Variants in MYH11 observed in about 807,000 individuals in gnomAD.
MYH11 encodes the protein myosin-11.
A neutral mutation model predicts 246.6 loss-of-function variants in MYH11; 80 were observed. That is an observed-to-expected ratio of 0.32 (90% confidence interval 0.27 to 0.39). The LOEUF (loss-of-function observed/expected upper bound fraction) is 0.39. Ranked by LOEUF, MYH11 falls within the 10% of genes least tolerant of loss-of-function variation. MYH11 has a pLI of 1.00. For missense variants in MYH11, 2,158 were observed against 2,546.8 expected, an observed-to-expected ratio of 0.85 and a Z score of 3.29; for synonymous variants, 1,071 against 1,015.5, an observed-to-expected ratio of 1.05 and a Z score of -1.04.
intron 4 of MYH11, among the ~76,000 whole-genome samples, chr16:15,793,615 C>CT (rs572455483): frequency 0.054 from 5,071 of 93,754 alleles, 473 homozygotes; most frequent in African/African-American, 0.2. Flanking sequence ...CTTTTCTTTT[C>CT]TTTTTTTTTT....
At chr16:15,800,612 G>C (rs2042861147) in intron 3 of MYH11, among the ~76,000 whole-genome samples, 2 of 151,114 alleles carry the variant, frequency 1.3e-5, no homozygotes, top group African/African-American at 4.9e-5. Flanking sequence ...TGGATGGATG[G>C]ATGGATGGAT....
At chr16:15,836,794 G>A (rs1167446304) in intron 2 of MYH11, among the ~76,000 whole-genome samples, 2 of 139,410 alleles carry the variant, frequency 1.4e-5, no homozygotes, top group African/African-American at 5.5e-5. Context: ...GCACCATCTC[G>A]GCTCACTGCA....
chr16:15,846,271 G>C (rs1354824628), intron 1 of MYH11, among the ~76,000 whole-genome samples: 1 of 152,064 alleles, frequency 6.6e-6, no homozygotes, highest in African/African-American at 2.4e-5. Context: ...AATAGGACTC[G>C]AATCAGGTGA....
chr16:15,845,420 T>G (rs1293630309), intron 1 of MYH11, among the ~76,000 whole-genome samples: 1 of 151,884 alleles, frequency 6.6e-6, no homozygotes, highest in African/African-American at 2.4e-5. Context: ...ACACCCCTGA[T>G]CTACACCAAG....
At chr16:15,786,863 A>T (rs2042482532) in intron 4 of MYH11, 131 bp from the exon 5 acceptor site, 1 of 898,862 alleles carries the variant, frequency 1.1e-6, no homozygotes, top group Non-Finnish European at 1.8e-6. Flanking sequence ...CCCAGAGGGG[A>T]AGTAACTTGC....
chr16:15,855,515 A>C lies in MYH11; in HGVS notation c.-18+1426T>G, dbSNP rs545362563. Among the ~76,000 whole-genome samples, 161 of 152,292 alleles carry C rather than the reference A, an allele frequency of 1.1e-3. 2 individuals are homozygous for C. Among genetic ancestry groups the C allele is most frequent in the Admixed American group, 1.4e-3 (21 of 15,288 alleles). ...GGTTCTACCACTTGCTGGCTGTGTG[A>C]CACTTTACCTCTCTGAGCCTCAGCT... On this transcript the variant is annotated intron_variant, in intron 1 of 40. Transcript: ENST00000300036.
chr16:15,737,161 A>G (rs1450460338), intron 25 of MYH11, among the ~76,000 whole-genome samples: 1 of 152,200 alleles, frequency 6.6e-6, no homozygotes, highest in Non-Finnish European at 1.5e-5. Context: ...AAGGGGGTCT[A>G]GATGAGAAAA....
intron 23 of MYH11, 48 bp from the exon 24 acceptor site, chr16:15,738,736 TA>T (rs1567715994): frequency 6.2e-7 from 1 of 1,601,918 alleles, no homozygotes; most frequent in Non-Finnish European, 8.5e-7. Flanking sequence ...TTCTTTTCTC[TA>T]GAATCTATGT....
At chr16:15,843,171 G>C (rs2098306822) in intron 1 of MYH11, among the ~76,000 whole-genome samples, 1 of 151,508 alleles carries the variant, frequency 6.6e-6, no homozygotes, top group South Asian at 2.1e-4. Flanking sequence ...AGAGTTTGAG[G>C]CCAGCCTGGT....
chr16:15,746,658 C>T (rs1035475079), intron 19 of MYH11, among the ~76,000 whole-genome samples: 2 of 152,132 alleles, frequency 1.3e-5, no homozygotes, highest in East Asian at 1.9e-4. Context: ...TTAAGGAACC[C>T]GAACCCTTCC....
At chr16:15,805,975 T>C (rs1465610713) in intron 3 of MYH11, among the ~76,000 whole-genome samples, 4 of 151,900 alleles carry the variant, frequency 2.6e-5, no homozygotes, top group Admixed American at 2.0e-4. Flanking sequence ...GACAACATTA[T>C]ACTAAGTGAA....
intron 28 of MYH11, chr16:15,725,583 C>G (rs1008646372): frequency 7.1e-5 from 29 of 406,844 alleles, no homozygotes; most frequent in African/African-American, 5.5e-4. Flanking sequence ...CCTACCCCTC[C>G]ATCTCTTCCA....
At chr16:15,748,021 T>C (rs988512907) in intron 17 of MYH11, 26 bp downstream of exon 17, 8 of 1,614,162 alleles carry the variant, frequency 5.0e-6, no homozygotes, top group Admixed American at 1.7e-5. Context: ...CCCCCTGCCC[T>C]ACCTGGGCCA....
chr16:15,778,912 A>G (rs1288630940), intron 6 of MYH11, 69 bp from the exon 7 acceptor site: 3 of 1,433,648 alleles, frequency 2.1e-6, no homozygotes, highest in African/African-American at 2.8e-5. Flanking sequence ...GCTGTGGGCA[A>G]GCAGGAGGCA....
chr16:15,836,393 G>A (rs215584), intron 2 of MYH11, among the ~76,000 whole-genome samples: 234 of 152,040 alleles, frequency 1.5e-3, no homozygotes, highest in Non-Finnish European at 2.6e-3. Context: ...ATTTTTTATT[G>A]TCTTTTACTT....
chr16:15,747,695 C>G lies in MYH11; in HGVS notation c.2286G>C (p.Arg762Ser). ...KALELDPNLY[R>S]IGQSKIFFRT... ...GGAAGAAGATTTTGCTCTGCCCTAT[C>G]CTGTATAAGTTGGGGTCAAGTTCCA... The change falls in exon 19 of 41, where the codon AGG (arginine) becomes AGC (serine). Residue 762 changes from arginine (R) to serine (S), a missense_variant. Coordinates refer to ENST00000300036, the MANE Select transcript of MYH11 (RefSeq NM_002474.3). The G allele has an allele frequency of 5.6e-6, 9 of 1,614,052 alleles. No individual in the cohort carries two copies. Among genetic ancestry groups the G allele is most frequent in the Non-Finnish European group, 7.6e-6 (9 of 1,180,026 alleles).
At chr16:15,767,485 AT>A (rs894057579) in intron 9 of MYH11, among the ~76,000 whole-genome samples, 4 of 150,748 alleles carry the variant, frequency 2.7e-5, no homozygotes, top group South Asian at 2.1e-4. Context: ...GGTTACATTT[AT>A]TTTTTTTTCC....
chr16:15,726,974 G>A lies in MYH11; in HGVS notation c.3732C>T (p.Gly1244=), dbSNP rs769117644. The A allele has an allele frequency of 1.9e-6, 3 of 1,611,582 alleles. No individual in the cohort carries two copies. In the South Asian group the frequency reaches 3.3e-5, roughly 18 times the overall value. Residue 1244 remains glycine (G), a synonymous_variant, in exon 28 of 41, where the codon GGC becomes GGT. Transcript: ENST00000300036. The part of the protein sequence containing the change: ...ADLAGELRVL[G]QAKQEVEHKK... ...TATGTTCCACCTCCTGCTTGGCCTG[G>A]CCCAGGACCCGCAGCTCCCCGGCCA... is the stretch of plus-strand genomic sequence containing the variant.
chr16:15,782,302 C>A, intron 6 of MYH11, 83 bp downstream of exon 6: 1 of 1,208,660 alleles, frequency 8.3e-7, no homozygotes. Context: ...CCCCTCCCAC[C>A]TCTGCACGCA....
Sources: gnomAD v4.1 joint callset for allele counts (sites outside exome capture counted in the v4.1 genomes callset) on GRCh38, gnomAD v4.1.1 for gene constraint, MANE v1.5 for transcripts, NCBI Gene and HGNC (gene_info 2026-07-23, HGNC 2026-07-21) for gene names.